The following LRP1B variants were observed in gnomAD, a reference collection of about 807,000 sequenced individuals.
The protein encoded by LRP1B is low-density lipoprotein receptor-related protein 1B.
LRP1B carries 217 observed loss-of-function variants against 556.6 expected under a neutral mutation model. The observed-to-expected ratio is 0.39, with a 90% CI of 0.35 to 0.44. The LOEUF is 0.44. Among genes scored for constraint, LRP1B ranks in the 20% least tolerant of loss-of-function variants. The probability of loss-of-function intolerance (pLI) is 1.00; values close to 1 mark genes in which losing one functional copy is unlikely to be tolerated. For missense variants in LRP1B, 5,053 were observed against 5,620.8 expected (o/e 0.90, Z 3.23); for synonymous variants, 2,047 against 1,865.8 (o/e 1.10, Z -2.50).
At chr2:140,654,711 C>T (rs1427627186) in intron 41 of LRP1B, among the ~76,000 whole-genome samples, 1 of 151,940 alleles carries the variant, frequency 6.6e-6, no homozygotes, top group East Asian at 1.9e-4. Flanking sequence ...TCATTTTTGG[C>T]CATATGTTTA....
chr2:141,772,214 T>C (rs1345276910), intron 2 of LRP1B, among the ~76,000 whole-genome samples: 1 of 152,158 alleles, frequency 6.6e-6, no homozygotes, highest in African/African-American at 2.4e-5. Context: ...ATCTTGGACA[T>C]CTCAGCTTCC....
chr2:142,120,806 CA>C lies in LRP1B; in HGVS notation c.82+9841del, dbSNP rs2105011949. Among the ~76,000 whole-genome samples, 2 of 152,184 alleles carry C rather than the reference CA, an allele frequency of 1.3e-5. 1 individual carries two copies. Among genetic ancestry groups the C allele is most frequent in the South Asian group, 4.2e-4 (2 of 4,812 alleles). On this transcript the variant is annotated intron_variant, in intron 1 of 90. Coordinates refer to ENST00000389484, the MANE Select transcript of LRP1B (RefSeq NM_018557.3). ...GACTCAATTAATTCCATTTTACAGA[CA>C]TGGCATAGGCAAACACAGGGTGTTA...
chr2:141,271,240 T>A, intron 3 of LRP1B, among the ~76,000 whole-genome samples: 1 of 150,946 alleles, frequency 6.6e-6, no homozygotes, highest in Non-Finnish European at 1.5e-5. Context: ...TAAACAGAGC[T>A]TGAGATAAAT....
intron 2 of LRP1B, among the ~76,000 whole-genome samples, chr2:141,764,972 G>GA (rs1196584503): frequency 2.0e-5 from 3 of 151,812 alleles, no homozygotes; most frequent in Non-Finnish European, 2.9e-5. Context: ...TAATATTATT[G>GA]AAGCTGGCTG....
rs2104916783 is a variant in LRP1B, at chr2:140,509,936, G to A, written c.8390C>T (p.Ala2797Val). 3 of 1,613,502 alleles carry A rather than the reference G, an allele frequency of 1.9e-6. No individual in the cohort carries two copies. Among genetic ancestry groups the A allele is most frequent in the Non-Finnish European group, 2.5e-6 (3 of 1,179,880 alleles). Residue 2797 changes from alanine (A) to valine (V), a missense_variant, in exon 52 of 91, where the codon GCA (alanine) becomes GTA (valine). This residue lies in a region of LRP1B where 3,619 missense variants were observed against 3,931.9 expected (regional missense o/e 0.92). Transcript: ENST00000389484. ...CPDGSDELSTAGCAPNNTCDE... is the reference protein window; with the variant it reads ...CPDGSDELSTVGCAPNNTCDE... ...CTGGCCAGTGTTCATACCGCAGCCTGCTGTGGAAAGCTCATCGCTTCCATC... is the reference window on the plus strand; with the variant it reads ...CTGGCCAGTGTTCATACCGCAGCCTACTGTGGAAAGCTCATCGCTTCCATC...
chr2:141,404,887 GTT>G (rs199497759), intron 3 of LRP1B, among the ~76,000 whole-genome samples: 1 of 144,598 alleles, frequency 6.9e-6, no homozygotes, highest in South Asian at 2.2e-4. Context: ...TAGAGAATAT[GTT>G]TTTTTTTTTT....
chr2:141,693,135 T>C (rs1691607990), intron 2 of LRP1B, among the ~76,000 whole-genome samples: 1 of 152,096 alleles, frequency 6.6e-6, no homozygotes, highest in Non-Finnish European at 1.5e-5. Context: ...TCTGTCTTTA[T>C]TGCTCACTAA....
chr2:141,732,502 G>A (rs1318032980), intron 2 of LRP1B, among the ~76,000 whole-genome samples: 1 of 152,022 alleles, frequency 6.6e-6, no homozygotes, highest in Non-Finnish European at 1.5e-5. Flanking sequence ...TCTTTCTGTA[G>A]GCTGGAGTAT....
chr2:140,504,309 AAG>A (rs960066096), intron 53 of LRP1B, among the ~76,000 whole-genome samples: 1 of 152,144 alleles, frequency 6.6e-6, no homozygotes, highest in African/African-American at 2.4e-5. Flanking sequence ...CTACCTTAGA[AAG>A]AGTTTCCTGA....
At chr2:142,075,235 G>T (rs1414684192) in intron 1 of LRP1B, among the ~76,000 whole-genome samples, 2 of 151,992 alleles carry the variant, frequency 1.3e-5, no homozygotes, top group Non-Finnish European at 2.9e-5. Flanking sequence ...AGAAATATAG[G>T]CAAATCTCAT....
intron 3 of LRP1B, among the ~76,000 whole-genome samples, chr2:141,362,052 A>G (rs1688843742): frequency 6.6e-6 from 1 of 152,226 alleles, no homozygotes; most frequent in Non-Finnish European, 1.5e-5. Context: ...GAAGCCAAAT[A>G]TATTTCCTAT....
At chr2:141,023,669 A>T (rs979961039) in intron 11 of LRP1B, among the ~76,000 whole-genome samples, 1 of 152,016 alleles carries the variant, frequency 6.6e-6, no homozygotes, top group Non-Finnish European at 1.5e-5. Context: ...CATGATTTTT[A>T]AAAGAAAGGA....
chr2:141,009,160 T>A (rs1033857242), intron 14 of LRP1B, among the ~76,000 whole-genome samples: 1 of 151,744 alleles, frequency 6.6e-6, no homozygotes, highest in Non-Finnish European at 1.5e-5. Context: ...CTGCAGTTAA[T>A]ATAAAATATG....
chr2:141,560,354 T>C (rs1686102037), intron 2 of LRP1B, among the ~76,000 whole-genome samples: 1 of 151,808 alleles, frequency 6.6e-6, no homozygotes. Flanking sequence ...TATCTCTGCA[T>C]TAGTACTTAA....
At chr2:142,125,106 C>T (rs975874162) in intron 1 of LRP1B, among the ~76,000 whole-genome samples, 1 of 151,676 alleles carries the variant, frequency 6.6e-6, no homozygotes, top group Non-Finnish European at 1.5e-5. Flanking sequence ...CAGAGCAATA[C>T]ATAATACATA....
chr2:140,250,610 C>T (rs891226228), intron 86 of LRP1B, among the ~76,000 whole-genome samples: 1 of 150,844 alleles, frequency 6.6e-6, no homozygotes, highest in Non-Finnish European at 1.5e-5. Context: ...TATAAGTGCT[C>T]TTAATTACAG....
intron 3 of LRP1B, among the ~76,000 whole-genome samples, chr2:141,341,300 C>T (rs1022441564): frequency 1.3e-5 from 2 of 152,182 alleles, no homozygotes; most frequent in African/African-American, 4.8e-5. Context: ...ATTCTCACTT[C>T]AGTTATCTCT....
In LRP1B at chr2:140,412,475, C is replaced by T. The variant is rs147325810; in HGVS notation, c.10415-26466G>A. On this transcript the variant is annotated intron_variant, in intron 66 of 90. Transcript: ENST00000389484. ...TATATCAAATTTAATCTAAATATGTCAAATGAAAACAGAATATTTATCTCC... is the reference window on the plus strand; with the variant it reads ...TATATCAAATTTAATCTAAATATGTTAAATGAAAACAGAATATTTATCTCC... 2.3e-4 allele frequency among the ~76,000 whole-genome samples: 35 copies of T among 152,060 alleles called. 3 individuals are homozygous for T. The highest frequency in any genetic ancestry group is 6.7e-4 in the African/African-American group (28 of 41,516).
chr2:141,550,554 A>G (rs913370365), intron 2 of LRP1B, among the ~76,000 whole-genome samples: 8 of 152,136 alleles, frequency 5.3e-5, no homozygotes, highest in Non-Finnish European at 1.0e-4. Flanking sequence ...AATTAGAATT[A>G]TTGGCTCTGC....
Sources: allele counts gnomAD v4.1 joint callset (sites outside exome capture counted in the v4.1 genomes callset), GRCh38; gene constraint gnomAD v4.1.1; regional missense constraint gnomAD v4.1.1; transcripts MANE v1.5; gene names NCBI Gene and HGNC (gene_info 2026-07-23, HGNC 2026-07-21).